TSPAN9: variants seen among roughly 807,000 people sequenced by gnomAD.
The protein encoded by TSPAN9 is tetraspanin-9.
Under a neutral mutation model 31.0 loss-of-function variants are expected in TSPAN9, and 16 were observed. That is an observed-to-expected ratio of 0.52 (90% CI 0.35 to 0.78). The LOEUF is 0.78. TSPAN9 is among the 30% of genes least tolerant of loss of function. The probability of loss-of-function intolerance (pLI) is 0.01; values close to 1 mark genes in which losing one functional copy is unlikely to be tolerated. For missense variants in TSPAN9, 272 were observed against 312.5 expected, an observed-to-expected ratio of 0.87 and a Z score of 0.98; for synonymous variants, 145 against 121.6, an observed-to-expected ratio of 1.19 and a Z score of -1.27.
intron 3 of TSPAN9, among the ~76,000 whole-genome samples, chr12:3,268,693 C>T (rs1565639543): frequency 8.6e-6 from 1 of 115,808 alleles, no homozygotes; most frequent in Non-Finnish European, 1.8e-5. Flanking sequence ...TGTGTTCCTG[C>T]AGCCTGCCCT....
At chr12:3,148,599 A>G (rs1268965594) in intron 2 of TSPAN9, among the ~76,000 whole-genome samples, 1 of 152,210 alleles carries the variant, frequency 6.6e-6, no homozygotes, top group Non-Finnish European at 1.5e-5. Flanking sequence ...GCACATGACC[A>G]CACTGCCAAG....
intron 3 of TSPAN9, among the ~76,000 whole-genome samples, chr12:3,268,180 G>GTGCGTTCCTGCAGCCTGCCCTCTC (rs1862575299): frequency 7.7e-6 from 1 of 130,382 alleles, no homozygotes. Flanking sequence ...CCTACCCTCC[G>GTGCGTTCCTGCAGCCTGCCCTCTC]TGCGTTCCTG....
chr12:3,098,721 C>T (rs891643864), intron 2 of TSPAN9, among the ~76,000 whole-genome samples: 5 of 151,434 alleles, frequency 3.3e-5, no homozygotes, highest in Admixed American at 2.6e-4. Context: ...AAATGCTTCC[C>T]GGATATGGCA....
In TSPAN9 at chr12:3,192,580, G is replaced by A. The variant is rs749552585; in HGVS notation, c.-17-8597G>A. Among the ~76,000 whole-genome samples, 23 of 152,156 alleles carry A rather than the reference G, an allele frequency of 1.5e-4. 1 individual carries two copies. The highest frequency in any genetic ancestry group is 5.8e-4 in the East Asian group (3 of 5,194). On this transcript the variant is annotated intron_variant, in intron 2 of 8. Coordinates refer to ENST00000011898, the MANE Select transcript of TSPAN9 (RefSeq NM_006675.5). This position sits in a 1 kb window ranked among gnomAD's most constrained non-coding sequence, Gnocchi z 4.6. The stretch of plus-strand genomic sequence containing the variant: ...GCGGATAGTGCCAGGGAGCACATCC[G>A]GGGCAAGGTCAGTCCCTCCTGGAGC...
chr12:3,278,494 C>G lies in TSPAN9; in HGVS notation c.137C>G (p.Pro46Arg). 6.2e-7 allele frequency: 1 copy of G among 1,614,214 alleles called. No individual in the cohort carries two copies. The highest frequency in any genetic ancestry group is 8.5e-7 in the Non-Finnish European group (1 of 1,180,034). ...CAAGGCAACTTTGCCACCTTCTCCC[C>G]CAGCTTCCCTTCGTTGTCTGCAGCC... is the stretch of plus-strand genomic sequence containing the variant. Reference protein sequence around the residue: ...VSQGNFATFSPSFPSLSAANL... With the variant: ...VSQGNFATFSRSFPSLSAANL... The change falls in exon 4 of 9, where the codon CCC (proline) becomes CGC (arginine). Residue 46 changes from proline to arginine, a missense_variant. By Grantham distance (103) the Pro-to-Arg change is moderately radical (BLOSUM62 -2). Transcript: ENST00000011898.
chr12:3,244,606 C>A (rs371367724), intron 3 of TSPAN9, among the ~76,000 whole-genome samples: 2 of 152,200 alleles, frequency 1.3e-5, no homozygotes, highest in Non-Finnish European at 2.9e-5. Flanking sequence ...CCGGACCACG[C>A]GCTGCAGGCA....
intron 3 of TSPAN9, among the ~76,000 whole-genome samples, chr12:3,257,275 T>C (rs1357504694): frequency 6.6e-6 from 1 of 151,950 alleles, no homozygotes; most frequent in East Asian, 1.9e-4. Flanking sequence ...TGTGGGCAGT[T>C]CTCTGCTCTT....
chr12:3,241,995 G>A (rs1204007630), intron 3 of TSPAN9, among the ~76,000 whole-genome samples: 2 of 152,208 alleles, frequency 1.3e-5, no homozygotes, highest in Non-Finnish European at 1.5e-5. Flanking sequence ...CCCAAAGACC[G>A]AGAATTCTTC....
chr12:3,268,882 C>T (rs1470936966), intron 3 of TSPAN9, among the ~76,000 whole-genome samples: 3 of 117,440 alleles, frequency 2.6e-5, no homozygotes, highest in Non-Finnish European at 3.5e-5. Context: ...CTGTGCGTTC[C>T]TGCAGCCTGC....
At chr12:3,146,268 G>A (rs1031560572) in intron 2 of TSPAN9, among the ~76,000 whole-genome samples, 2 of 152,224 alleles carry the variant, frequency 1.3e-5, no homozygotes, top group African/African-American at 4.8e-5. Flanking sequence ...GTCAGGGGAT[G>A]GAGCCCGTTG....
rs538194700 is a variant in TSPAN9, at chr12:3,186,270, C to T, written c.-17-14907C>T. 5.0e-4 allele frequency among the ~76,000 whole-genome samples: 76 copies of T among 152,228 alleles called. 1 individual carries two copies. The South Asian group carries it at 6.8e-3, about 14-fold the overall frequency. On this transcript the variant is annotated intron_variant, in intron 2 of 8. Transcript: ENST00000011898. ...TACACCTGTCTTGTGTGAAACTGTT[C>T]GTAGCTTTGGGAATACAGCAGTAAG...
intron 2 of TSPAN9, among the ~76,000 whole-genome samples, chr12:3,123,841 A>G (rs1307905720): frequency 1.3e-5 from 2 of 152,096 alleles, no homozygotes; most frequent in Non-Finnish European, 2.9e-5. Context: ...CCTGTGACAC[A>G]TGAGTTAGGG....
chr12:3,245,825 C>T (rs948541927), intron 3 of TSPAN9, among the ~76,000 whole-genome samples: 4 of 152,064 alleles, frequency 2.6e-5, no homozygotes, highest in African/African-American at 7.2e-5. Flanking sequence ...ATTCCTTGTA[C>T]TGGAGAGTCT....
intron 3 of TSPAN9, among the ~76,000 whole-genome samples, chr12:3,201,567 G>T (rs575197410): frequency 3.6e-4 from 55 of 152,294 alleles, no homozygotes; most frequent in Non-Finnish European, 5.7e-4. Context: ...AAGTGCCTCC[G>T]ACTGGGCAGC....
chr12:3,264,345 C>T (rs1286373803), intron 3 of TSPAN9, among the ~76,000 whole-genome samples: 1 of 152,216 alleles, frequency 6.6e-6, no homozygotes, highest in Non-Finnish European at 1.5e-5. Context: ...CGCCTCAACC[C>T]ACCTCCTCTG....
intron 7 of TSPAN9, 128 bp downstream of exon 7, chr12:3,281,457 CA>C: frequency 7.3e-7 from 1 of 1,377,514 alleles, no homozygotes; most frequent in Non-Finnish European, 9.5e-7. Flanking sequence ...GGGGGGCTCA[CA>C]AAAATAAAGC....
intron 3 of TSPAN9, among the ~76,000 whole-genome samples, chr12:3,261,679 C>T (rs1395418521): frequency 6.6e-6 from 1 of 152,156 alleles, no homozygotes; most frequent in African/African-American, 2.4e-5. Flanking sequence ...GGGCATTTTG[C>T]GATTTGAGAA....
At chr12:3,161,920 A>G (rs968943037) in intron 2 of TSPAN9, among the ~76,000 whole-genome samples, 14 of 152,098 alleles carry the variant, frequency 9.2e-5, no homozygotes, top group African/African-American at 2.9e-4. Flanking sequence ...GGCTCAAGCC[A>G]TCTTCCCGCT....
rs144796875 is a variant in TSPAN9 at position 3,232,856 on chromosome 12, G to A, written c.63+31600G>A. On this transcript the variant is annotated intron_variant, in intron 3 of 8. Coordinates refer to ENST00000011898, the MANE Select transcript of TSPAN9 (RefSeq NM_006675.5). ...CCTCCAGAGGCTGCTCACTCCATTT[G>A]GGGAAGTTTTAGCCATAGGAAGTTT... is the stretch of plus-strand genomic sequence containing the variant. 3.2e-3 allele frequency among the ~76,000 whole-genome samples: 488 copies of A among 152,318 alleles called. 2 individuals are homozygous for A. Among genetic ancestry groups the A allele is most frequent in the African/African-American group, 0.011 (459 of 41,574 alleles).
Sources: gnomAD v4.1 joint callset for allele counts (sites outside exome capture counted in the v4.1 genomes callset) on GRCh38, gnomAD v4.1.1 for gene constraint, Gnocchi (gnomAD v3.1) non-coding constraint, MANE v1.5 for transcripts, NCBI Gene and HGNC (gene_info 2026-07-23, HGNC 2026-07-21) for gene names.